GFRA2: variants seen among roughly 807,000 people sequenced by gnomAD.
GFRA2 encodes GDNF family receptor alpha 2.
Under a neutral mutation model 48.3 loss-of-function variants are expected in GFRA2, and 17 were observed. The ratio of observed to expected loss-of-function variants is 0.35; its 90% confidence interval spans 0.24 to 0.53. GFRA2 has a LOEUF of 0.53. Among genes scored for constraint, GFRA2 ranks in the 20% least tolerant of loss-of-function variants. The pLI, the probability that GFRA2 is intolerant of heterozygous loss-of-function variation, is 0.93. For missense variants in GFRA2, 660 were observed against 637.3 expected, an observed-to-expected ratio of 1.04 and a Z score of -0.38; for synonymous variants, 305 against 257.2, an observed-to-expected ratio of 1.19 and a Z score of -1.78.
intron 4 of GFRA2, among the ~76,000 whole-genome samples, chr8:21,743,662 C>T (rs1804859652): frequency 6.6e-6 from 1 of 152,158 alleles, no homozygotes; most frequent in Admixed American, 6.5e-5. Context: ...TCCCAGGACC[C>T]CCACTCCTCC....
At chr8:21,800,350 A>G (rs1243460753) in intron 2 of GFRA2, among the ~76,000 whole-genome samples, 2 of 152,262 alleles carry the variant, frequency 1.3e-5, no homozygotes, top group Non-Finnish European at 2.9e-5. Context: ...ACCACGAAAA[A>G]GGAATTTGAA....
intron 1 of GFRA2, among the ~76,000 whole-genome samples, chr8:21,810,011 C>T (rs1807948262): frequency 6.6e-6 from 1 of 152,174 alleles, no homozygotes; most frequent in African/African-American, 2.4e-5. Flanking sequence ...TTTTACCCTC[C>T]TAGATCATCT....
intron 1 of GFRA2, among the ~76,000 whole-genome samples, chr8:21,784,657 G>A (rs1298168166): frequency 6.6e-6 from 1 of 152,176 alleles, no homozygotes; most frequent in Admixed American, 6.5e-5. Context: ...AGCAGGGATG[G>A]GCCTGGGGTA....
intron 6 of GFRA2, among the ~76,000 whole-genome samples, chr8:21,703,557 T>C (rs146896622): frequency 2.0e-5 from 3 of 152,236 alleles, no homozygotes; most frequent in African/African-American, 7.2e-5. Flanking sequence ...CTCAAACTCG[T>C]TATGTCTAAG....
intron 2 of GFRA2, among the ~76,000 whole-genome samples, chr8:21,795,566 T>C (rs1807657733): frequency 6.6e-6 from 1 of 152,102 alleles, no homozygotes; most frequent in Admixed American, 6.6e-5. Context: ...CTAATTTTTG[T>C]ATTTTTAGTA....
At chr8:21,766,046 AC>A (rs1806135015) in intron 3 of GFRA2, among the ~76,000 whole-genome samples, 2 of 152,088 alleles carry the variant, frequency 1.3e-5, no homozygotes, top group Admixed American at 6.5e-5. Flanking sequence ...CATAGATCAT[AC>A]TGTGCTAGTC....
chr8:21,733,415 T>TCC (rs1467284735), intron 4 of GFRA2, among the ~76,000 whole-genome samples: 1 of 152,088 alleles, frequency 6.6e-6, no homozygotes, highest in African/African-American at 2.4e-5. Flanking sequence ...ACTGCATTCT[T>TCC]CCCCAGCATC....
chr8:21,721,615 T>C (rs773237418), intron 4 of GFRA2, among the ~76,000 whole-genome samples: 13 of 152,202 alleles, frequency 8.5e-5, no homozygotes, highest in Non-Finnish European at 1.9e-4. Flanking sequence ...AACCACCCTA[T>C]GCAAAACTAG....
intron 1 of GFRA2, among the ~76,000 whole-genome samples, chr8:21,806,935 G>C (rs1015152618): frequency 1.3e-5 from 2 of 152,064 alleles, no homozygotes; most frequent in Non-Finnish European, 2.9e-5. Context: ...CTATCTCAAA[G>C]GCAGCTACAA....
chr8:21,794,446 T>C (rs965117818), intron 2 of GFRA2, among the ~76,000 whole-genome samples: 2 of 152,020 alleles, frequency 1.3e-5, no homozygotes, highest in Non-Finnish European at 2.9e-5. Flanking sequence ...AGACAAGGTT[T>C]CACCATGTTG....
Position 21,805,492 on chromosome 8 carries a change from G to A in GFRA2, c.-147-364C>T, listed in dbSNP as rs1807843591. On this transcript the variant is annotated intron_variant, in intron 1 of 10. Transcript: ENST00000517328. ...CCCAGTATATGTTACAGTGGCTTGG[G>A]GAGGTAGAGTCATGCAGAATAAGAA... Among the ~76,000 whole-genome samples, 2 of 152,204 alleles carry A rather than the reference G, an allele frequency of 1.3e-5. 1 individual carries two copies. Among genetic ancestry groups the A allele is most frequent in the African/African-American group, 4.8e-5 (2 of 41,452 alleles).
At chr8:21,778,567 G>A (rs1205107012) in intron 2 of GFRA2, among the ~76,000 whole-genome samples, 1 of 152,220 alleles carries the variant, frequency 6.6e-6, no homozygotes, top group Non-Finnish European at 1.5e-5. Flanking sequence ...AATGGTTGTT[G>A]AATAAATGAA....
chr8:21,772,005 G>GCACA (rs1806460538), intron 3 of GFRA2, among the ~76,000 whole-genome samples: 1 of 152,116 alleles, frequency 6.6e-6, no homozygotes, highest in African/African-American at 2.4e-5. Context: ...CACACAGGTG[G>GCACA]GGGATACATG....
At chr8:21,776,185 G>A (rs1201249107) in intron 2 of GFRA2, among the ~76,000 whole-genome samples, 1 of 152,102 alleles carries the variant, frequency 6.6e-6, no homozygotes, top group Non-Finnish European at 1.5e-5. Context: ...GGGCCTGGAA[G>A]AGGGGCTTTG....
At chr8:21,751,527 G>C (rs1363381861) in intron 3 of GFRA2, among the ~76,000 whole-genome samples, 1 of 151,128 alleles carries the variant, frequency 6.6e-6, no homozygotes, top group Non-Finnish European at 1.5e-5. Flanking sequence ...CCTGCCCAAG[G>C]TTGCCCAGCA....
chr8:21,693,636 G>A (rs1801983384), intron 8 of GFRA2, among the ~76,000 whole-genome samples: 1 of 151,942 alleles, frequency 6.6e-6, no homozygotes, highest in East Asian at 1.9e-4. Context: ...ACAAGCCCTG[G>A]GGTTTGGAGA....
intron 4 of GFRA2, among the ~76,000 whole-genome samples, chr8:21,748,242 T>A (rs990240916): frequency 6.6e-6 from 1 of 152,068 alleles, no homozygotes; most frequent in Non-Finnish European, 1.5e-5. Flanking sequence ...AAGGTGGCAA[T>A]AGTCCCCCAG....
Position 21,693,351 on chromosome 8 carries a change from G to A in GFRA2, c.1322C>T (p.Ser441Leu), listed in dbSNP as rs201825761. 1.1e-4 allele frequency: 184 copies of A among 1,613,218 alleles called. No individual in the cohort carries two copies. The highest frequency in any genetic ancestry group is 2.7e-5 in the Non-Finnish European group (32 of 1,179,588). Residue 441 changes from serine to leucine, a missense_variant, in exon 9 of 9, where the codon TCA (serine) becomes TTA (leucine). Ser to Leu is a moderately radical substitution (Grantham distance 145, BLOSUM62 -2). Transcript: ENST00000524240. ...PGSNKVIKPNSGPSRARPSAA... is the reference protein window; with the variant it reads ...PGSNKVIKPNLGPSRARPSAA... ...CGACGGTCTGGCTCTGCTGGGGCCT[G>A]AGTTAGGTTTGATCACCTTGTTACT...
intron 2 of GFRA2, among the ~76,000 whole-genome samples, chr8:21,801,510 G>A (rs1807769490): frequency 1.3e-5 from 2 of 152,076 alleles, no homozygotes; most frequent in African/African-American, 2.4e-5. Flanking sequence ...AGAGGGGCAG[G>A]AAGAGAACCC....
Sources: allele counts gnomAD v4.1 joint callset (sites outside exome capture counted in the v4.1 genomes callset), GRCh38; gene constraint gnomAD v4.1.1; transcripts MANE v1.5; gene names NCBI Gene and HGNC (gene_info 2026-07-23, HGNC 2026-07-21).